MAST2: variants seen among roughly 807,000 people sequenced by gnomAD.
MAST2 encodes microtubule-associated serine/threonine-protein kinase 2.
A neutral mutation model predicts 147.4 loss-of-function variants in MAST2; 70 were observed. That is an observed-to-expected ratio of 0.47 (90% CI 0.39 to 0.58). The LOEUF (loss-of-function observed/expected upper bound fraction) is 0.58. Ranked by LOEUF, MAST2 falls within the 20% of genes least tolerant of loss-of-function variation. The pLI is 0.00. For synonymous variants in MAST2, 869 were observed against 896.8 expected (o/e 0.97, Z 0.55); for missense variants, 2,080 against 2,302.3 (o/e 0.90, Z 1.98).
chr1:45,841,327 A>G (rs1169134585), intron 3 of MAST2, among the ~76,000 whole-genome samples: 14 of 152,086 alleles, frequency 9.2e-5, no homozygotes, highest in South Asian at 2.1e-4. Flanking sequence ...AACAATATGA[A>G]CAAAATGTAT....
chr1:45,872,663 A>AAGAG (rs1353671897), intron 3 of MAST2, among the ~76,000 whole-genome samples: 2 of 151,892 alleles, frequency 1.3e-5, no homozygotes, highest in Non-Finnish European at 2.9e-5. Context: ...TTATTTTTAG[A>AAGAG]AGAGACGGGG....
chr1:45,959,404 C>T lies in MAST2; in HGVS notation c.519C>T (p.Arg173=), dbSNP rs1298303689. Reference sequence around the variant, plus strand: ...ATTGCAGTTGTCGGACAAGTAACCGCAAGAGCTTGATTGTGACCTCTAGCA... The same window carrying T: ...ATTGCAGTTGTCGGACAAGTAACCGTAAGAGCTTGATTGTGACCTCTAGCA... ...RRGSFCRTSN[R]KSLIVTSSTS... is the part of the protein sequence containing the mutation. The change falls in exon 5 of 29, where the codon CGC becomes CGT. Residue 173 remains arginine, a synonymous_variant. Transcript: ENST00000361297. 3.1e-6 allele frequency: 5 copies of T among 1,613,628 alleles called. No individual in the cohort carries two copies. Among genetic ancestry groups the T allele is most frequent in the Non-Finnish European group, 4.2e-6 (5 of 1,179,778 alleles).
chr1:45,890,602 T>C (rs1647595127), intron 4 of MAST2, among the ~76,000 whole-genome samples: 1 of 152,204 alleles, frequency 6.6e-6, no homozygotes, highest in Non-Finnish European at 1.5e-5. Flanking sequence ...CATTTAACCT[T>C]AATTACTTCC....
At chr1:45,966,531 G>T (rs1224074048) in intron 5 of MAST2, among the ~76,000 whole-genome samples, 1 of 152,050 alleles carries the variant, frequency 6.6e-6, no homozygotes, top group African/African-American at 2.4e-5. Context: ...AGGAGTTCAA[G>T]ACAAGCCGGG....
chr1:46,031,073 A>G lies in MAST2; in HGVS notation c.2775A>G (p.Thr925=). The G allele has an allele frequency of 6.2e-7, 1 of 1,613,582 alleles. No individual in the cohort carries two copies. Among genetic ancestry groups the G allele is most frequent in the East Asian group, 2.2e-5 (1 of 44,846 alleles). ...HTESDSSPPM[T]VRRRCSGLLD... ...AGAGTGACTCAAGCCCTCCAATGAC[A>G]GTGCGACGCCGCTGCTCAGGCCTCC... The change falls in exon 23 of 29, where the codon ACA becomes ACG. Residue 925 remains threonine, a synonymous_variant. Coordinates refer to ENST00000361297, the MANE Select transcript of MAST2 (RefSeq NM_015112.3). This position sits in a 1 kb window ranked among gnomAD's most constrained non-coding sequence, Gnocchi z 4.1.
chr1:45,962,842 C>A (rs559209091), intron 5 of MAST2, among the ~76,000 whole-genome samples: 2 of 152,242 alleles, frequency 1.3e-5, no homozygotes, highest in Admixed American at 1.3e-4. Context: ...CTTGCTCATG[C>A]CTATGTCCTG....
intron 3 of MAST2, among the ~76,000 whole-genome samples, chr1:45,865,953 G>T (rs1646134285): frequency 6.6e-6 from 1 of 152,132 alleles, no homozygotes; most frequent in Non-Finnish European, 1.5e-5. Flanking sequence ...ACCTGTGATG[G>T]TTTAGTCATG....
chr1:45,846,820 G>A (rs1054074585), intron 3 of MAST2, among the ~76,000 whole-genome samples: 9 of 119,646 alleles, frequency 7.5e-5, no homozygotes, highest in Admixed American at 1.8e-4. Context: ...GCAAGACTCC[G>A]TCTTAAAAAA....
intron 4 of MAST2, among the ~76,000 whole-genome samples, chr1:45,890,833 A>G (rs1044782153): frequency 1.3e-5 from 2 of 152,246 alleles, no homozygotes; most frequent in African/African-American, 4.8e-5. Flanking sequence ...ACAAGAATAC[A>G]AATAGAGGTA....
chr1:45,923,749 T>C (rs959165689), intron 4 of MAST2, among the ~76,000 whole-genome samples: 1 of 152,202 alleles, frequency 6.6e-6, no homozygotes, highest in African/African-American at 2.4e-5. Flanking sequence ...GCCTTGGGTC[T>C]TTTCCCAAGG....
intron 4 of MAST2, among the ~76,000 whole-genome samples, chr1:45,887,382 A>G (rs1647143062): frequency 6.6e-6 from 1 of 152,150 alleles, no homozygotes; most frequent in South Asian, 2.1e-4. Context: ...GGGTATGTGT[A>G]TATGTGTGTG....
chr1:45,939,484 T>G (rs1656828696), intron 4 of MAST2, among the ~76,000 whole-genome samples: 1 of 151,246 alleles, frequency 6.6e-6, no homozygotes, highest in Non-Finnish European at 1.5e-5. Context: ...TTATTTTATG[T>G]GTTTTGGGTG....
At chr1:45,888,652 G>A (rs943232531) in intron 4 of MAST2, among the ~76,000 whole-genome samples, 24 of 112,456 alleles carry the variant, frequency 2.1e-4, no homozygotes, top group African/African-American at 5.2e-4. Context: ...GTGAGCCACC[G>A]CGCGCGGCCT....
At chr1:45,839,872 T>A (rs1169830040) in intron 3 of MAST2, among the ~76,000 whole-genome samples, 1 of 152,200 alleles carries the variant, frequency 6.6e-6, no homozygotes, top group East Asian at 1.9e-4. Flanking sequence ...CAAGGCAATT[T>A]AATGGGGGAA....
At chr1:45,830,181 CTTTT>C (rs11407885) in intron 3 of MAST2, among the ~76,000 whole-genome samples, 2 of 108,244 alleles carry the variant, frequency 1.8e-5, no homozygotes, top group African/African-American at 7.2e-5. Context: ...TTAATTGAAT[CTTTT>C]TTTTTTTTTT....
At chr1:45,823,359 G>A (rs1411364379) in intron 1 of MAST2, among the ~76,000 whole-genome samples, 1 of 145,062 alleles carries the variant, frequency 6.9e-6, no homozygotes, top group Non-Finnish European at 1.5e-5. Flanking sequence ...TTTTTGAGAC[G>A]GAGTCTCGCT....
chr1:45,967,711 C>A (rs1389169562), intron 5 of MAST2, among the ~76,000 whole-genome samples: 1 of 152,072 alleles, frequency 6.6e-6, no homozygotes, highest in Non-Finnish European at 1.5e-5. Flanking sequence ...GCAGGAGTGG[C>A]AGGCATACAA....
At chr1:45,949,288 C>A (rs570559685) in intron 4 of MAST2, among the ~76,000 whole-genome samples, 2 of 152,092 alleles carry the variant, frequency 1.3e-5, no homozygotes, top group Non-Finnish European at 2.9e-5. Context: ...AACAGACAAC[C>A]TACAGAATAG....
chr1:45,936,955 C>T (rs1395156393), intron 4 of MAST2, among the ~76,000 whole-genome samples: 1 of 150,886 alleles, frequency 6.6e-6, no homozygotes, highest in African/African-American at 2.4e-5. Flanking sequence ...GTTGTCCAGG[C>T]TGGCCTCAAA....
Sources: gnomAD v4.1 joint callset for allele counts (sites outside exome capture counted in the v4.1 genomes callset) on GRCh38, gnomAD v4.1.1 for gene constraint, Gnocchi (gnomAD v3.1) non-coding constraint, MANE v1.5 for transcripts, NCBI Gene and HGNC (gene_info 2026-07-23, HGNC 2026-07-21) for gene names.